The following ADAMTSL3 variants were observed in gnomAD, a reference collection of about 807,000 sequenced individuals.
ADAMTSL3 encodes the protein ADAMTS-like protein 3.
Under a neutral mutation model 201.7 loss-of-function variants are expected in ADAMTSL3, and 128 were observed. The ratio of observed to expected loss-of-function variants is 0.63; its 90% confidence interval spans 0.55 to 0.73. The LOEUF (loss-of-function observed/expected upper bound fraction) is 0.73, where lower values mean the gene tolerates loss of function less well. ADAMTSL3 is among the 30% of genes least tolerant of loss of function. The pLI is 0.00. For synonymous variants in ADAMTSL3, 738 were observed against 748.4 expected, an observed-to-expected ratio of 0.99 and a Z score of 0.23; for missense variants, 1,990 against 2,119.6, an observed-to-expected ratio of 0.94 and a Z score of 1.20.
intron 17 of ADAMTSL3, among the ~76,000 whole-genome samples, chr15:83,930,689 A>T (rs1430651835): frequency 6.6e-6 from 1 of 152,220 alleles, no homozygotes; most frequent in African/African-American, 2.4e-5. Context: ...GAAAGGAAAT[A>T]CTATTCCTCA....
chr15:83,667,517 GTT>G lies in ADAMTSL3; in HGVS notation c.69+11706_69+11707del, dbSNP rs35255014. ...CAGCTTCCAAACACAAATTATGAAG[GTT>G]TTTTTTTTTTTTTTTTTTGAGTACT... On this transcript the variant is annotated intron_variant, in intron 2 of 29. Coordinates refer to ENST00000286744, the MANE Select transcript of ADAMTSL3 (RefSeq NM_207517.3). Among the ~76,000 whole-genome samples the G allele has an allele frequency of 2.7e-3, 330 of 120,314 alleles. 2 individuals are homozygous for G. Among genetic ancestry groups the G allele is most frequent in the South Asian group, 3.9e-3 (13 of 3,334 alleles). 78.9% of individuals were successfully genotyped at this position (120,314 alleles called of 152,430 possible).
At chr15:83,948,770 T>C (rs1451363338) in intron 19 of ADAMTSL3, among the ~76,000 whole-genome samples, 1 of 144,372 alleles carries the variant, frequency 6.9e-6, no homozygotes, top group Non-Finnish European at 1.6e-5. Context: ...AGGTTTATTA[T>C]AAAACTCTTC....
At chr15:83,833,580 CAACCTAATTCCAGAA>C (rs964727364) in intron 6 of ADAMTSL3, among the ~76,000 whole-genome samples, 1 of 152,186 alleles carries the variant, frequency 6.6e-6, no homozygotes, top group Admixed American at 6.5e-5. Flanking sequence ...TGAACCCAGG[CAACCTAATTCCAGAA>C]TCCAATTTCT....
chr15:83,880,963 G>T (rs1233197343), intron 9 of ADAMTSL3, among the ~76,000 whole-genome samples: 1 of 151,516 alleles, frequency 6.6e-6, no homozygotes, highest in Non-Finnish European at 1.5e-5. Flanking sequence ...TCTATTCTTG[G>T]TTATTTTTAA....
chr15:83,731,826 A>C (rs1299353280), intron 3 of ADAMTSL3, among the ~76,000 whole-genome samples: 1 of 152,062 alleles, frequency 6.6e-6, no homozygotes, highest in Non-Finnish European at 1.5e-5. Flanking sequence ...TAAGTGGAAT[A>C]AGCCAGACAC....
chr15:83,903,625 AG>A (rs35639196), intron 15 of ADAMTSL3, among the ~76,000 whole-genome samples: 94,853 of 151,404 alleles, frequency 0.63, 30,810 homozygotes, highest in African/African-American at 0.79. Flanking sequence ...GAATTAGAAA[AG>A]GGGGATATCA....
intron 7 of ADAMTSL3, among the ~76,000 whole-genome samples, chr15:83,852,187 ACTATGACCCCCGC>A (rs138233033): frequency 0.1 from 15,586 of 151,966 alleles, 1,019 homozygotes; most frequent in East Asian, 0.34. Context: ...GTCTCGGCTC[ACTATGACCCCCGC>A]CTCCTGGGTT....
chr15:84,004,428 T>C (rs2067854839), intron 23 of ADAMTSL3, among the ~76,000 whole-genome samples: 1 of 152,044 alleles, frequency 6.6e-6, no homozygotes, highest in Non-Finnish European at 1.5e-5. Context: ...ATCTCAAATA[T>C]CCTCTCAAAA....
chr15:83,928,152 T>A (rs189478646), intron 17 of ADAMTSL3, among the ~76,000 whole-genome samples: 34 of 152,152 alleles, frequency 2.2e-4, no homozygotes, highest in African/African-American at 7.7e-4. Flanking sequence ...TTTTTAAAAA[T>A]TTTTAAATGT....
rs1354275390 is a variant in ADAMTSL3, at chr15:83,891,395, C to G, written c.1262+16C>G. The G allele has an allele frequency of 1.9e-6, 3 of 1,609,560 alleles. No homozygotes were observed. Among genetic ancestry groups the G allele is most frequent in the African/African-American group, 2.7e-5 (2 of 74,920 alleles). On this transcript the variant is annotated intron_variant, in intron 12 of 29. Coordinates refer to ENST00000286744, the MANE Select transcript of ADAMTSL3 (RefSeq NM_207517.3). ...CTCTTCCTCGGTGAGTTATATGTTT[C>G]CTTTTCCTTTTTGCAATTTAAGTAG... is the stretch of plus-strand genomic sequence containing the variant.
intron 4 of ADAMTSL3, among the ~76,000 whole-genome samples, chr15:83,798,775 C>A (rs1432641897): frequency 1.4e-5 from 2 of 144,772 alleles, no homozygotes; most frequent in African/African-American, 2.6e-5. Context: ...CCATTGCACT[C>A]CAGCCTGAGC....
intron 26 of ADAMTSL3, among the ~76,000 whole-genome samples, chr15:84,024,415 C>A (rs2068264867): frequency 6.6e-6 from 1 of 152,154 alleles, no homozygotes; most frequent in Non-Finnish European, 1.5e-5. Context: ...TCTATGATTT[C>A]TATTGGTAAC....
Position 83,973,705 on chromosome 15 carries a change from T to A in ADAMTSL3, c.2644+3068T>A, listed in dbSNP as rs988040259. 2.6e-5 allele frequency among the ~76,000 whole-genome samples: 4 copies of A among 152,306 alleles called. No individual in the cohort carries two copies. In the South Asian group the frequency reaches 8.3e-4, roughly 32 times the overall value. ...TTCATTCCATTAGGAATATCAAGGCTAAAGTGGCATAATGTCGTGATTTTC... is the reference window on the plus strand; with the variant it reads ...TTCATTCCATTAGGAATATCAAGGCAAAAGTGGCATAATGTCGTGATTTTC... On this transcript the variant is annotated intron_variant, in intron 20 of 29. Transcript: ENST00000286744.
intron 6 of ADAMTSL3, among the ~76,000 whole-genome samples, chr15:83,828,660 G>A (rs1390067689): frequency 1.3e-5 from 2 of 151,974 alleles, no homozygotes; most frequent in Admixed American, 6.6e-5. Context: ...ATTGGCTGTG[G>A]GTTTGTCATA....
intron 2 of ADAMTSL3, among the ~76,000 whole-genome samples, chr15:83,667,779 A>G (rs2141377922): frequency 6.6e-6 from 1 of 152,212 alleles, no homozygotes; most frequent in Non-Finnish European, 1.5e-5. Context: ...TTATTGACCA[A>G]AAATTGGATT....
intron 23 of ADAMTSL3, among the ~76,000 whole-genome samples, chr15:83,996,191 C>T (rs1471672838): frequency 1.3e-5 from 2 of 151,958 alleles, no homozygotes; most frequent in African/African-American, 4.8e-5. Context: ...AAATACAAGT[C>T]ATAAAGTAAA....
chr15:83,819,884 A>G lies in ADAMTSL3; in HGVS notation c.437A>G (p.His146Arg), dbSNP rs4483821. The change falls in exon 6 of 30, where the codon CAT becomes CGT. Residue 146 changes from histidine (H) to arginine (R), a missense_variant. Transcript: ENST00000286744. The stretch of plus-strand genomic sequence containing the variant: ...TACAATGATGTCCAGTATCAGGGGC[A>G]TTACTATGAATGGCTTCCACGATAT... ...SAYNDVQYQGHYYEWLPRYND... is the reference protein window; with the variant it reads ...SAYNDVQYQGRYYEWLPRYND... 0.49 allele frequency: 785,494 copies of G among 1,613,496 alleles called. 199,622 individuals are homozygous for G. Among genetic ancestry groups the G allele is most frequent in the East Asian group, 0.79 (35,473 of 44,838 alleles).
chr15:83,838,247 C>T, intron 7 of ADAMTSL3, 32 bp downstream of exon 7: 1 of 1,604,200 alleles, frequency 6.2e-7, no homozygotes, highest in Non-Finnish European at 8.5e-7. Context: ...TTATTACCAT[C>T]ATACAAGATA....
intron 2 of ADAMTSL3, among the ~76,000 whole-genome samples, chr15:83,675,071 T>C (rs1325725031): frequency 6.6e-6 from 1 of 151,998 alleles, no homozygotes; most frequent in Non-Finnish European, 1.5e-5. Flanking sequence ...AGAAATACAA[T>C]TGATTTTTGT....
Sources: allele counts gnomAD v4.1 joint callset (sites outside exome capture counted in the v4.1 genomes callset), GRCh38; gene constraint gnomAD v4.1.1; transcripts MANE v1.5; gene names NCBI Gene and HGNC (gene_info 2026-07-23, HGNC 2026-07-21).